Variants in NALF1 observed in about 807,000 individuals in gnomAD.
NALF1 encodes the protein family with sequence similarity 155 member A.
A neutral mutation model predicts 48.4 loss-of-function variants in NALF1; 3 were observed. The observed-to-expected ratio is 0.06, with a 90% confidence interval of 0.03 to 0.16. The LOEUF is 0.16. Among genes scored for constraint, NALF1 ranks in the 10% least tolerant of loss-of-function variants. The pLI, the probability that NALF1 is intolerant of heterozygous loss-of-function variation, is 1.00. For missense variants in NALF1, 526 were observed against 571.5 expected, an observed-to-expected ratio of 0.92 and a Z score of 0.81; for synonymous variants, 262 against 245.7, an observed-to-expected ratio of 1.07 and a Z score of -0.62.
At chr13:107,633,680 A>G (rs2138450832) in intron 1 of NALF1, among the ~76,000 whole-genome samples, 1 of 150,162 alleles carries the variant, frequency 6.7e-6, no homozygotes, top group Non-Finnish European at 1.5e-5. Context: ...TAACTTTATT[A>G]TACATTTGTC....
intron 1 of NALF1, among the ~76,000 whole-genome samples, chr13:107,491,421 T>C (rs1016693150): frequency 3.9e-5 from 6 of 152,014 alleles, no homozygotes; most frequent in Non-Finnish European, 7.4e-5. Context: ...GACTTTTTAA[T>C]TGCATGGTGT....
In NALF1 at chr13:107,750,028, C is replaced by T. The variant is rs555025350; in HGVS notation, c.915+115654G>A. Among the ~76,000 whole-genome samples, 8 of 152,284 alleles carry T rather than the reference C, an allele frequency of 5.3e-5. No homozygotes were observed. In the South Asian group the frequency reaches 1.7e-3, roughly 32 times the overall value. ...AGAGACAGGGTTTCACCATCTTGGC[C>T]AGGCTGGTCTTGATCTCCTGACCTC... On this transcript the variant is annotated intron_variant, in intron 1 of 2. Transcript: ENST00000375915.
chr13:107,473,168 T>C (rs772685662), intron 1 of NALF1, among the ~76,000 whole-genome samples: 13 of 152,228 alleles, frequency 8.5e-5, no homozygotes, highest in Non-Finnish European at 1.8e-4. Context: ...GCTTCCCTTG[T>C]GTACCACAGG....
chr13:107,374,519 C>T (rs528247445), intron 1 of NALF1, among the ~76,000 whole-genome samples: 304 of 152,208 alleles, frequency 2.0e-3, no homozygotes, highest in Non-Finnish European at 3.3e-3. Flanking sequence ...AAGCAGCTTT[C>T]CCTTGAAAAG....
At chr13:107,184,336 C>G (rs1879129229) in intron 2 of NALF1, among the ~76,000 whole-genome samples, 1 of 152,042 alleles carries the variant, frequency 6.6e-6, no homozygotes, top group African/African-American at 2.4e-5. Context: ...CGGAGAAAAC[C>G]ATTTTAATGC....
chr13:107,612,108 G>GA (rs1879244310), intron 1 of NALF1, among the ~76,000 whole-genome samples: 2 of 52,782 alleles, frequency 3.8e-5, no homozygotes, highest in Non-Finnish European at 7.3e-5. Context: ...GGGGGAGGGA[G>GA]GAAGGGGAGG....
At chr13:107,625,626 T>C (rs1022393122) in intron 1 of NALF1, among the ~76,000 whole-genome samples, 4 of 152,110 alleles carry the variant, frequency 2.6e-5, no homozygotes, top group Non-Finnish European at 5.9e-5. Context: ...TGCTCCAATA[T>C]CCATTTGATC....
chr13:107,562,511 G>A (rs1279809690), intron 1 of NALF1, among the ~76,000 whole-genome samples: 1 of 152,158 alleles, frequency 6.6e-6, no homozygotes, highest in Non-Finnish European at 1.5e-5. Context: ...AGGGGTCTGT[G>A]AAGATACCTG....
chr13:107,348,125 T>C (rs577890959), intron 1 of NALF1, among the ~76,000 whole-genome samples: 1 of 152,358 alleles, frequency 6.6e-6, no homozygotes, highest in Non-Finnish European at 1.5e-5. Context: ...TGAGATTGCT[T>C]GAAACTAGTT....
At chr13:107,778,728 G>A (rs1218829206) in intron 1 of NALF1, among the ~76,000 whole-genome samples, 1 of 152,062 alleles carries the variant, frequency 6.6e-6, no homozygotes, top group Admixed American at 6.5e-5. Context: ...CCTATTCAAA[G>A]GCCCCATGAC....
chr13:107,727,270 A>T (rs1185208244), intron 1 of NALF1, among the ~76,000 whole-genome samples: 1 of 152,238 alleles, frequency 6.6e-6, no homozygotes, highest in African/African-American at 2.4e-5. Flanking sequence ...TAAGAATGTC[A>T]TCTGAAAACA....
intron 1 of NALF1, among the ~76,000 whole-genome samples, chr13:107,485,093 T>C: frequency 6.6e-6 from 1 of 152,124 alleles, no homozygotes; most frequent in East Asian, 1.9e-4. Context: ...TTCAGCAAAC[T>C]TCCTAAACGT....
intron 2 of NALF1, among the ~76,000 whole-genome samples, chr13:107,209,830 C>T (rs1231634926): frequency 6.6e-6 from 1 of 152,150 alleles, no homozygotes; most frequent in African/African-American, 2.4e-5. Flanking sequence ...GAAGAGAATG[C>T]AGAGCCACCA....
intron 1 of NALF1, among the ~76,000 whole-genome samples, chr13:107,535,919 A>G (rs970627929): frequency 1.3e-5 from 2 of 152,138 alleles, no homozygotes; most frequent in Admixed American, 1.3e-4. Context: ...CAGTAATAAT[A>G]CTACACATCT....
intron 1 of NALF1, among the ~76,000 whole-genome samples, chr13:107,534,940 C>T (rs919733016): frequency 6.6e-6 from 1 of 152,054 alleles, no homozygotes; most frequent in African/African-American, 2.4e-5. Context: ...TAATTATTTG[C>T]CTCAAAGCTT....
chr13:107,642,120 A>G (rs528400962), intron 1 of NALF1, among the ~76,000 whole-genome samples: 6 of 152,282 alleles, frequency 3.9e-5, no homozygotes, highest in Admixed American at 6.5e-5. Context: ...TAGAATCTGT[A>G]TCTTAATACA....
intron 1 of NALF1, among the ~76,000 whole-genome samples, chr13:107,546,009 T>C (rs1466794451): frequency 6.6e-6 from 1 of 152,136 alleles, no homozygotes; most frequent in African/African-American, 2.4e-5. Flanking sequence ...TACTGGAGTG[T>C]TCTGGGCTCT....
At chr13:107,301,919 A>C (rs1881844645) in intron 1 of NALF1, among the ~76,000 whole-genome samples, 1 of 152,154 alleles carries the variant, frequency 6.6e-6, no homozygotes, top group African/African-American at 2.4e-5. Flanking sequence ...CTATTTACAC[A>C]ATTAGAGGGC....
At chr13:107,730,175 A>G (rs1445193418) in intron 1 of NALF1, among the ~76,000 whole-genome samples, 1 of 152,206 alleles carries the variant, frequency 6.6e-6, no homozygotes, top group Non-Finnish European at 1.5e-5. Context: ...TACTGTCGAG[A>G]ATCATTACAT....
Sources: gnomAD v4.1 joint callset for allele counts (sites outside exome capture counted in the v4.1 genomes callset) on GRCh38, gnomAD v4.1.1 for gene constraint, MANE v1.5 for transcripts, NCBI Gene and HGNC (gene_info 2026-07-23, HGNC 2026-07-21) for gene names.